The following THSD7B variants were observed in gnomAD, a reference collection of about 807,000 sequenced individuals.
THSD7B encodes the protein thrombospondin type-1 domain-containing protein 7B.
In THSD7B, 138 loss-of-function variants were observed where a neutral mutation model predicts 213.6. The observed-to-expected ratio is 0.65, with a 90% CI of 0.56 to 0.74. THSD7B has a LOEUF of 0.74. THSD7B is among the 30% of genes least tolerant of loss of function. The probability of loss-of-function intolerance (pLI) is 0.00; values close to 1 mark genes in which losing one functional copy is unlikely to be tolerated. For synonymous variants in THSD7B, 742 were observed against 687.0 expected, an observed-to-expected ratio of 1.08 and a Z score of -1.25; for missense variants, 1,931 against 1,991.5, an observed-to-expected ratio of 0.97 and a Z score of 0.58.
rs778736534 is a variant in THSD7B, at chr2:137,095,091, T to C, written c.1169T>C (p.Val390Ala). The C allele has an allele frequency of 1.2e-6, 2 of 1,613,870 alleles. No individual in the cohort carries two copies. The highest frequency in any genetic ancestry group is 1.3e-5 in the African/African-American group (1 of 75,048). The change falls in exon 4 of 28, where the codon GTT becomes GCT. Residue 390 changes from valine to alanine, a missense_variant. Physicochemically the swap from Val to Ala is moderately conservative, Grantham distance 64. Transcript: ENST00000409968. ...PELLEKEACI[V>A]EGELLQQCPR... ...CTTCTTGAGAAAGAGGCCTGCATTG[T>C]TGAAGGAGAACTTCTGCAGCAATGT...
intron 21 of THSD7B, among the ~76,000 whole-genome samples, chr2:137,652,443 T>C (rs1236563965): frequency 6.6e-6 from 1 of 152,076 alleles, no homozygotes; most frequent in Non-Finnish European, 1.5e-5. Context: ...TTTCACTATA[T>C]GTGTCTTTAT....
intron 12 of THSD7B, among the ~76,000 whole-genome samples, chr2:137,297,925 G>C (rs1683506428): frequency 6.6e-6 from 1 of 152,126 alleles, no homozygotes; most frequent in Admixed American, 6.5e-5. Context: ...TTTATCAGCA[G>C]TGTGAAAATG....
intron 16 of THSD7B, among the ~76,000 whole-genome samples, chr2:137,568,138 T>G (rs566223442): frequency 2.0e-5 from 3 of 152,260 alleles, no homozygotes; most frequent in Admixed American, 2.0e-4. Context: ...ATGATCTCAC[T>G]AAGAGGTTTC....
rs577943666 is a variant in THSD7B at position 136,951,696 on chromosome 2, G to T, written c.139+69379G>T. 1.5e-3 allele frequency among the ~76,000 whole-genome samples: 230 copies of T among 152,236 alleles called. 2 individuals are homozygous for T. Among genetic ancestry groups the T allele is most frequent in the African/African-American group, 5.0e-3 (207 of 41,556 alleles). ...GAAGATGGTTTAATGATTTTGATGG[G>T]CTTTTTAATTCAAATATTTCAGATG... On this transcript the variant is annotated intron_variant, in intron 2 of 27. Transcript: ENST00000409968.
intron 2 of THSD7B, among the ~76,000 whole-genome samples, chr2:137,023,897 A>G (rs1227644665): frequency 6.6e-6 from 1 of 151,758 alleles, no homozygotes; most frequent in African/African-American, 2.4e-5. Flanking sequence ...ACAAATGAAC[A>G]AGACATTTCT....
At chr2:137,385,748 A>G (rs964038518) in intron 12 of THSD7B, among the ~76,000 whole-genome samples, 1 of 152,226 alleles carries the variant, frequency 6.6e-6, no homozygotes, top group Non-Finnish European at 1.5e-5. Context: ...GAGTAAGGCC[A>G]GAGACCTTCT....
intron 12 of THSD7B, among the ~76,000 whole-genome samples, chr2:137,360,676 G>C (rs1228303556): frequency 6.6e-6 from 1 of 152,166 alleles, no homozygotes; most frequent in Admixed American, 6.5e-5. Context: ...CCATTGCTGA[G>C]GCTTGAGTAC....
chr2:137,561,681 T>C (rs1195835613), intron 15 of THSD7B, among the ~76,000 whole-genome samples: 1 of 152,266 alleles, frequency 6.6e-6, no homozygotes, highest in Middle Eastern at 3.4e-3. Context: ...TATCTCTTCA[T>C]TTTTATAGAT....
intron 1 of THSD7B, among the ~76,000 whole-genome samples, chr2:136,771,594 A>G (rs1446932157): frequency 6.6e-6 from 1 of 152,138 alleles, no homozygotes; most frequent in African/African-American, 2.4e-5. Flanking sequence ...TCCAAATTAT[A>G]TCTATTAGTC....
chr2:137,668,312 G>A (rs1267092874), intron 27 of THSD7B, among the ~76,000 whole-genome samples: 1 of 151,926 alleles, frequency 6.6e-6, no homozygotes, highest in Non-Finnish European at 1.5e-5. Flanking sequence ...CTTAAATTTT[G>A]TTCTTAAATT....
At chr2:137,363,247 G>A (rs1025020773) in intron 12 of THSD7B, among the ~76,000 whole-genome samples, 11 of 152,284 alleles carry the variant, frequency 7.2e-5, no homozygotes, top group African/African-American at 2.6e-4. Flanking sequence ...GTGTGTAGAG[G>A]GAAATTTAAA....
At chr2:137,671,962 T>A (rs532859403) in intron 27 of THSD7B, among the ~76,000 whole-genome samples, 9 of 152,306 alleles carry the variant, frequency 5.9e-5, no homozygotes, top group African/African-American at 1.9e-4. Context: ...GTCGTGGTAG[T>A]TACCCCATGA....
intron 1 of THSD7B, among the ~76,000 whole-genome samples, chr2:136,792,780 C>T (rs999889500): frequency 2.0e-4 from 30 of 152,026 alleles, no homozygotes; most frequent in Non-Finnish European, 3.2e-4. Context: ...TTTTTCCTGT[C>T]TCTGTATTCC....
intron 12 of THSD7B, among the ~76,000 whole-genome samples, chr2:137,390,968 G>T (rs1686010799): frequency 6.6e-6 from 1 of 151,882 alleles, no homozygotes; most frequent in African/African-American, 2.4e-5. Context: ...GTTCACCAGG[G>T]ATATTTGTAG....
At chr2:137,518,302 G>A (rs999717068) in intron 15 of THSD7B, among the ~76,000 whole-genome samples, 2 of 152,138 alleles carry the variant, frequency 1.3e-5, no homozygotes, top group African/African-American at 4.8e-5. Context: ...CAGCACTACA[G>A]CCCCTTTCCA....
rs1359917053 is a variant in THSD7B at position 137,677,049 on chromosome 2, C to T, written c.*444C>T. On this transcript the variant is annotated 3_prime_UTR_variant, in exon 28 of 28. Coordinates refer to ENST00000409968, the MANE Select transcript of THSD7B (RefSeq NM_001316349.2). ...AGTCTTTATTCTTCCCATACTTCAA[C>T]ACTGAGTTTTCTAGAGTTTACTTTG... 6.5e-6 allele frequency: 1 copy of T among 153,112 alleles called. No individual in the cohort carries two copies. The highest frequency in any genetic ancestry group is 1.5e-5 in the Non-Finnish European group (1 of 68,378). 9.5% of individuals were successfully genotyped at this position (153,112 alleles called of 1,614,324 possible).
At chr2:137,286,838 C>G (rs1282035969) in intron 12 of THSD7B, among the ~76,000 whole-genome samples, 1 of 152,120 alleles carries the variant, frequency 6.6e-6, no homozygotes, top group East Asian at 1.9e-4. Flanking sequence ...GCAACTGTAG[C>G]CTAGCCCAGG....
intron 15 of THSD7B, among the ~76,000 whole-genome samples, chr2:137,549,310 C>A (rs1448916): frequency 2.0e-4 from 5 of 25,234 alleles, no homozygotes; most frequent in African/African-American, 1.1e-3. Flanking sequence ...TTCAGATGCT[C>A]TTTTTTTTTT....
chr2:137,518,789 A>C (rs552955857), intron 15 of THSD7B, among the ~76,000 whole-genome samples: 2 of 152,302 alleles, frequency 1.3e-5, no homozygotes, highest in Admixed American at 1.3e-4. Context: ...CAAAACTGAC[A>C]TGGCTACGGC....
Sources: gnomAD v4.1 joint callset for allele counts (sites outside exome capture counted in the v4.1 genomes callset) on GRCh38, gnomAD v4.1.1 for gene constraint, MANE v1.5 for transcripts, NCBI Gene and HGNC (gene_info 2026-07-23, HGNC 2026-07-21) for gene names.